The following ETS2 variants were observed in gnomAD, a reference collection of about 807,000 sequenced individuals.
ETS2 encodes the protein protein C-ets-2.
A neutral mutation model predicts 54.9 loss-of-function variants in ETS2; 19 were observed. The observed-to-expected ratio is 0.35, with a 90% CI of 0.24 to 0.51. The LOEUF is 0.51. Among genes scored for constraint, ETS2 ranks in the 20% least tolerant of loss-of-function variants. The pLI, the probability that ETS2 is intolerant of heterozygous loss-of-function variation, is 0.97. For missense variants in ETS2, 417 were observed against 593.0 expected, an observed-to-expected ratio of 0.70 and a Z score of 3.08; for synonymous variants, 219 against 229.3, an observed-to-expected ratio of 0.95 and a Z score of 0.41.
intron 8 of ETS2, 83 bp downstream of exon 8, chr21:38,819,849 C>T: frequency 7.2e-7 from 1 of 1,386,836 alleles, no homozygotes; most frequent in Non-Finnish European, 9.8e-7. Context: ...GTACCACATT[C>T]ACCGAGGGTG....
Position 38,806,384 on chromosome 21 carries a change from G to A in ETS2, c.-1+264G>A. On this transcript the variant is annotated intron_variant, in intron 1 of 9. Coordinates refer to ENST00000360938, the MANE Select transcript of ETS2 (RefSeq NM_005239.6). The surrounding 1 kb of genome is among the most constrained non-coding windows in gnomAD (Gnocchi z 4.3). ...CCTGCGTGCTAGGGCCGCTGTCTTC[G>A]GGGTCGCCTAGCGGCGGGCGCGGCC... 2.0e-6 allele frequency: 2 copies of A among 985,670 alleles called. No individual in the cohort carries two copies. The highest frequency in any genetic ancestry group is 2.4e-6 in the Non-Finnish European group (2 of 830,126). The allele number at this position is 985,670 out of a possible 1,614,324, so 61.1% of individuals were successfully genotyped here.
At chr21:38,813,771 A>G (rs994853561) in intron 3 of ETS2, among the ~76,000 whole-genome samples, 3 of 152,222 alleles carry the variant, frequency 2.0e-5, no homozygotes, top group Non-Finnish European at 4.4e-5. Flanking sequence ...GCAGCCATTT[A>G]TCATTCTTGA....
chr21:38,822,426 A>G (rs7276961), intron 9 of ETS2, among the ~76,000 whole-genome samples: 57,158 of 151,930 alleles, frequency 0.38, 10,905 homozygotes, highest in East Asian at 0.41. Flanking sequence ...AGGAGGTTTC[A>G]CTGAGCTGGG....
In ETS2 at chr21:38,814,083, G is replaced by T. The variant is rs1273178678; in HGVS notation, c.185-190G>T. Among the ~76,000 whole-genome samples the T allele has an allele frequency of 6.6e-6, 1 of 152,158 alleles. No homozygotes were observed. The highest frequency in any genetic ancestry group is 1.5e-5 in the Non-Finnish European group (1 of 68,034). On this transcript the variant is annotated intron_variant, in intron 3 of 9. Transcript: ENST00000360938. This position sits in a 1 kb window ranked among gnomAD's most constrained non-coding sequence, Gnocchi z 4.2. ...ATTTTAGATTTTTTTAATAAGTATAGTTCTGAGATATATATTTTCTCAATT... is the reference window on the plus strand; with the variant it reads ...ATTTTAGATTTTTTTAATAAGTATATTTCTGAGATATATATTTTCTCAATT...
In ETS2 at chr21:38,819,560, A is replaced by C; in HGVS notation, c.869A>C (p.Asp290Ala). ...ENGADSFESS[D>A]SLLQSWNSQS... Reference sequence around the variant, plus strand: ...GGTGCGGACAGCTTCGAGAGCTCAGACTCCCTCCTCCAGTCCTGGAACAGC... The same window carrying C: ...GGTGCGGACAGCTTCGAGAGCTCAGCCTCCCTCCTCCAGTCCTGGAACAGC... The change falls in exon 8 of 10, where the codon GAC becomes GCC. Residue 290 changes from aspartate to alanine, a missense_variant. Asp to Ala is a moderately radical substitution (Grantham distance 126, BLOSUM62 -2). This residue lies in a region of ETS2 where 326 missense variants were observed against 426.1 expected (regional missense o/e 0.76). Coordinates refer to ENST00000360938, the MANE Select transcript of ETS2 (RefSeq NM_005239.6). The C allele has an allele frequency of 6.2e-7, 1 of 1,613,926 alleles. No individual in the cohort carries two copies. The highest frequency in any genetic ancestry group is 8.5e-7 in the Non-Finnish European group (1 of 1,179,946).
At chr21:38,815,962 G>A (rs1299465984) in intron 5 of ETS2, among the ~76,000 whole-genome samples, 1 of 26 alleles carries the variant, frequency 0.038, no homozygotes, top group African/African-American at 0.12. Context: ...AAGGAAGGAA[G>A]GAAGGAAGGA....
Position 38,821,142 on chromosome 21 carries a change from G to A in ETS2, c.1076-444G>A, listed in dbSNP as rs747294595. On this transcript the variant is annotated intron_variant, in intron 8 of 9. Transcript: ENST00000360938. The surrounding 1 kb of genome is among the most constrained non-coding windows in gnomAD (Gnocchi z 4.2). ...TGGCATGGGATCCCACGTATGACAC[G>A]CCTCATTCTGTGATGAAACACCCCC... Among the ~76,000 whole-genome samples, 5 of 152,094 alleles carry A rather than the reference G, an allele frequency of 3.3e-5. No homozygotes were observed. Among genetic ancestry groups the A allele is most frequent in the Admixed American group, 6.6e-5 (1 of 15,260 alleles).
chr21:38,805,821 T>A, upstream of ETS2: 1 of 821,850 alleles, frequency 1.2e-6, no homozygotes, highest in Non-Finnish European at 1.6e-6. This position sits in a 1 kb window ranked among gnomAD's most constrained non-coding sequence, Gnocchi z 5.2. Context: ...CTCTCTCTTC[T>A]CTCCTCCCTC....
In ETS2 at chr21:38,823,581, G is replaced by A. The variant is rs574806114; in HGVS notation, c.*692G>A. 6.6e-6 allele frequency: 1 copy of A among 152,568 alleles called. No homozygotes were observed. The highest frequency in any genetic ancestry group is 6.5e-5 in the Admixed American group (1 of 15,278). The allele number at this position is 152,568 out of a possible 1,614,324, so 9.5% of individuals were successfully genotyped here. A position where few individuals can be genotyped will look rare whatever the true frequency, so the allele number is the denominator to read the frequency against. Reference sequence around the variant, plus strand: ...TTATTTACATTTAATAGACTTACAGGGATAAGGCCTGTGGGGGGTAATCCC... The same window carrying A: ...TTATTTACATTTAATAGACTTACAGAGATAAGGCCTGTGGGGGGTAATCCC... On this transcript the variant is annotated 3_prime_UTR_variant, in exon 10 of 10. Coordinates refer to ENST00000360938, the MANE Select transcript of ETS2 (RefSeq NM_005239.6).
Position 38,815,926 on chromosome 21 carries a change from A to C in ETS2, c.505+945A>C, listed in dbSNP as rs567302310. Among the ~76,000 whole-genome samples the C allele has an allele frequency of 6.1e-5, 8 of 131,244 alleles. No homozygotes were observed. The South Asian group carries it at 2.2e-3, about 35-fold the overall frequency. 86.1% of individuals were successfully genotyped at this position (131,244 alleles called of 152,430 possible). A position where few individuals can be genotyped will look rare whatever the true frequency, so the allele number is the denominator to read the frequency against. On this transcript the variant is annotated intron_variant, in intron 5 of 9. Coordinates refer to ENST00000360938, the MANE Select transcript of ETS2 (RefSeq NM_005239.6). ...CTGCACTCCAGCCTGTGGGAGTGAGACTCTGTTGAAAGGAAGGAAGGAAGG... is the reference window on the plus strand; with the variant it reads ...CTGCACTCCAGCCTGTGGGAGTGAGCCTCTGTTGAAAGGAAGGAAGGAAGG...
At chr21:38,818,192 A>G (rs1169937511) in intron 6 of ETS2, among the ~76,000 whole-genome samples, 2 of 152,164 alleles carry the variant, frequency 1.3e-5, no homozygotes, top group East Asian at 3.9e-4. Context: ...AAATAGGAAC[A>G]TTGAGTCCTG....
At chr21:38,809,950 C>A in intron 1 of ETS2, 85 bp from the exon 2 acceptor site, 1 of 836,722 alleles carries the variant, frequency 1.2e-6, no homozygotes, top group Non-Finnish European at 1.9e-6. Flanking sequence ...TAGAACTCAG[C>A]CAGGATCAAG....
At position 38,814,938 on chromosome 21, in the gene ETS2, T is replaced by A. The variant is rs142517222; in HGVS notation, c.462T>A (p.Phe154Leu). ...KERFLELAPD[F>L]VGDILWEHLE... ...GCTTTCTGGAGCTGGCACCTGACTT[T>A]GTGGGTGACATTCTCTGGGAACATC... Residue 154 changes from phenylalanine to leucine, a missense_variant, in exon 5 of 10, where the codon TTT becomes TTA. Physicochemically the swap from Phe to Leu is conservative, Grantham distance 22. Around this residue, in one of 3 missense-constraint regions of ETS2, gnomAD observed 326 missense variants for 426.1 expected, o/e 0.76. Coordinates refer to ENST00000360938, the MANE Select transcript of ETS2 (RefSeq NM_005239.6). This position sits in a 1 kb window ranked among gnomAD's most constrained non-coding sequence, Gnocchi z 4.2. The A allele has an allele frequency of 6.2e-7, 1 of 1,614,166 alleles. No homozygotes were observed.
In ETS2 at chr21:38,807,902, T is replaced by C. The variant is rs1461263204; in HGVS notation, c.-1+1782T>C. Among the ~76,000 whole-genome samples, 3 of 152,198 alleles carry C rather than the reference T, an allele frequency of 2.0e-5. No homozygotes were observed. In the East Asian group the frequency reaches 5.8e-4, roughly 29 times the overall value. On this transcript the variant is annotated intron_variant, in intron 1 of 9. Coordinates refer to ENST00000360938, the MANE Select transcript of ETS2 (RefSeq NM_005239.6). ...GATGTCTATGATTTTGGCCTTCTGTTTGAGGCTTGTTTATTTCTTTAATCA... is the reference window on the plus strand; with the variant it reads ...GATGTCTATGATTTTGGCCTTCTGTCTGAGGCTTGTTTATTTCTTTAATCA...
intron 5 of ETS2, among the ~76,000 whole-genome samples, chr21:38,816,520 A>G (rs997764220): frequency 7.2e-5 from 11 of 152,104 alleles, no homozygotes. Flanking sequence ...TTCCCTTTCA[A>G]AGTTCTTGGG....
At chr21:38,815,029 C>G (rs184861649) in intron 5 of ETS2, 48 bp downstream of exon 5, 1 of 1,578,154 alleles carries the variant, frequency 6.3e-7, no homozygotes, top group African/African-American at 1.3e-5. Context: ...GAGCTGTGGC[C>G]GGGAAGACTG....
intron 5 of ETS2, 84 bp from the exon 6 acceptor site, chr21:38,816,924 C>A: frequency 2.6e-6 from 2 of 771,582 alleles, no homozygotes; most frequent in South Asian, 1.5e-5. Flanking sequence ...AAATTATCAT[C>A]TCACAGGAAT....
chr21:38,808,617 T>TGTGTGTGTGC (rs1555886348), intron 1 of ETS2, among the ~76,000 whole-genome samples: 1 of 86,188 alleles, frequency 1.2e-5, no homozygotes. Context: ...TGTGTGTGTG[T>TGTGTGTGTGC]TGGGTGTGTG....
rs1186732587 is a variant in ETS2 at position 38,823,748 on chromosome 21, C to T, written c.*859C>T. 2 of 152,616 alleles carry T rather than the reference C, an allele frequency of 1.3e-5. No individual in the cohort carries two copies. The highest frequency in any genetic ancestry group is 4.8e-5 in the African/African-American group (2 of 41,442). 9.5% of individuals were successfully genotyped at this position (152,616 alleles called of 1,614,324 possible). A position where few individuals can be genotyped will look rare whatever the true frequency, so the allele number is the denominator to read the frequency against. ...TATCTGGGCTTATATCTGGCCTCTG[C>T]TTTCTCCTTTAATTGTAAAGTAAAA... On this transcript the variant is annotated 3_prime_UTR_variant, in exon 10 of 10. Transcript: ENST00000360938.
Sources: allele counts gnomAD v4.1 joint callset (sites outside exome capture counted in the v4.1 genomes callset), GRCh38; gene constraint gnomAD v4.1.1; regional missense constraint gnomAD v4.1.1; non-coding constraint Gnocchi (gnomAD v3.1); transcripts MANE v1.5; gene names NCBI Gene and HGNC (gene_info 2026-07-23, HGNC 2026-07-21).